The following CSMD1 variants were observed in gnomAD, a reference collection of about 807,000 sequenced individuals.
CSMD1 encodes CUB and Sushi multiple domains 1, also known as CUB and sushi domain-containing protein 1.
CSMD1 carries 213 observed loss-of-function variants against 417.5 expected under a neutral mutation model. The observed-to-expected ratio is 0.51, with a 90% confidence interval of 0.46 to 0.57. CSMD1 has a LOEUF of 0.57. CSMD1 is among the 20% of genes least tolerant of loss of function. The pLI, the probability that CSMD1 is intolerant of heterozygous loss-of-function variation, is 0.00. For missense variants in CSMD1, 6,923 were observed against 4,529.7 expected (o/e 1.53, Z -15.17); for synonymous variants, 2,862 against 1,736.8 (o/e 1.65, Z -16.11).
At chr8:3,151,627 C>G in intron 39 of CSMD1, 114 bp from the exon 40 acceptor site, 1 of 667,486 alleles carries the variant, frequency 1.5e-6, no homozygotes, top group East Asian at 2.7e-5. Context: ...GGAGTTAATT[C>G]TGCCCCTAAT....
At position 3,408,349 on chromosome 8, in the gene CSMD1, A is replaced by T. The variant is rs191118311; in HGVS notation, c.1745-124T>A. The stretch of plus-strand genomic sequence containing the variant: ...TGCAAATAGCTATGATGATCCAACT[A>T]TTTTAATATAAGTAATTCTGGACCA... On this transcript the variant is annotated intron_variant, in intron 13 of 69. Transcript: ENST00000635120. 19 of 665,010 alleles carry T rather than the reference A, an allele frequency of 2.9e-5. No individual in the cohort carries two copies. In the African/African-American group the frequency reaches 3.1e-4, roughly 11 times the overall value. The allele number at this position is 665,010 out of a possible 1,614,324, so 41.2% of individuals were successfully genotyped here.
At chr8:4,092,940 A>G (rs1297426414) in intron 3 of CSMD1, among the ~76,000 whole-genome samples, 1 of 151,982 alleles carries the variant, frequency 6.6e-6, no homozygotes, top group African/African-American at 2.4e-5. Context: ...ATCCTTTATT[A>G]CTCTTCCTGT....
chr8:3,233,587 G>A (rs891361837), intron 26 of CSMD1, among the ~76,000 whole-genome samples: 1 of 152,148 alleles, frequency 6.6e-6, no homozygotes, highest in Non-Finnish European at 1.5e-5. Context: ...GACATGTGAT[G>A]GCTTGGATTA....
intron 10 of CSMD1, among the ~76,000 whole-genome samples, chr8:3,495,744 A>G (rs959838255): frequency 6.6e-6 from 1 of 152,224 alleles, no homozygotes; most frequent in Non-Finnish European, 1.5e-5. Flanking sequence ...TGAAAACTGA[A>G]GACAAAAGGA....
At chr8:4,670,186 C>T (rs1016113522) in intron 1 of CSMD1, among the ~76,000 whole-genome samples, 1 of 152,130 alleles carries the variant, frequency 6.6e-6, no homozygotes, top group Non-Finnish European at 1.5e-5. Context: ...AAACTAAAGT[C>T]CCTCCATGTA....
At chr8:4,052,683 T>G (rs548268361) in intron 3 of CSMD1, among the ~76,000 whole-genome samples, 40 of 152,224 alleles carry the variant, frequency 2.6e-4, no homozygotes, top group African/African-American at 9.4e-4. Flanking sequence ...CCATAATAAG[T>G]AAGGTGTATA....
chr8:4,655,998 C>A (rs1483550687), intron 1 of CSMD1, among the ~76,000 whole-genome samples: 1 of 152,008 alleles, frequency 6.6e-6, no homozygotes, highest in East Asian at 1.9e-4. Flanking sequence ...AAAAAATAAA[C>A]CTACTCAATA....
intron 2 of CSMD1, among the ~76,000 whole-genome samples, chr8:4,450,962 G>C (rs756004238): frequency 1.3e-5 from 2 of 152,008 alleles, no homozygotes; most frequent in South Asian, 2.1e-4. Context: ...AAGATCTACA[G>C]TAACGTATTA....
intron 12 of CSMD1, among the ~76,000 whole-genome samples, chr8:3,455,536 G>A (rs1226390549): frequency 6.6e-6 from 1 of 152,192 alleles, no homozygotes; most frequent in East Asian, 1.9e-4. Context: ...TAACAGTCAG[G>A]ACCCTCAGCT....
intron 2 of CSMD1, among the ~76,000 whole-genome samples, chr8:4,601,982 T>G (rs1300926950): frequency 6.6e-6 from 1 of 152,158 alleles, no homozygotes; most frequent in African/African-American, 2.4e-5. Context: ...GCAACTGTAC[T>G]CTCTGAAAGC....
chr8:4,220,235 G>T (rs984146545), intron 3 of CSMD1, among the ~76,000 whole-genome samples: 1 of 152,200 alleles, frequency 6.6e-6, no homozygotes, highest in East Asian at 1.9e-4. Flanking sequence ...AGAGGCGTGA[G>T]CCACCATGCC....
chr8:4,376,907 C>G (rs1055457775), intron 3 of CSMD1, among the ~76,000 whole-genome samples: 5 of 152,190 alleles, frequency 3.3e-5, no homozygotes, highest in Admixed American at 2.0e-4. Context: ...TTTGGACACA[C>G]TACTGTACTG....
intron 10 of CSMD1, among the ~76,000 whole-genome samples, chr8:3,545,111 C>G (rs1425442770): frequency 1.3e-5 from 2 of 152,152 alleles, no homozygotes; most frequent in Admixed American, 6.5e-5. Context: ...GGACAGGTAT[C>G]AAAGCAGATC....
Position 4,427,746 on chromosome 8 carries a change from A to C in CSMD1, c.303-7681T>G, listed in dbSNP as rs77754547. The stretch of plus-strand genomic sequence containing the variant: ...TAATTTGAAACTATTAATATAAAGT[A>C]TATAAATCTCTCAATAGAAACTTCA... On this transcript the variant is annotated intron_variant, in intron 2 of 69. Transcript: ENST00000635120. Among the ~76,000 whole-genome samples, 138 of 152,332 alleles carry C rather than the reference A, an allele frequency of 9.1e-4. 2 individuals carry two copies. Among genetic ancestry groups the C allele is most frequent in the African/African-American group, 3.1e-3 (130 of 41,596 alleles).
intron 2 of CSMD1, among the ~76,000 whole-genome samples, chr8:4,605,921 T>C (rs962394009): frequency 6.6e-6 from 1 of 151,908 alleles, no homozygotes; most frequent in South Asian, 2.1e-4. Flanking sequence ...TGCTGGGAGA[T>C]GGAAACATTT....
intron 1 of CSMD1, among the ~76,000 whole-genome samples, chr8:4,811,360 C>A (rs1446528262): frequency 1.3e-5 from 2 of 151,892 alleles, no homozygotes; most frequent in East Asian, 3.9e-4. Flanking sequence ...GAGTATTGGC[C>A]CCCTGTATTT....
chr8:2,964,005 G>A (rs1010695073), intron 59 of CSMD1, among the ~76,000 whole-genome samples: 1 of 152,156 alleles, frequency 6.6e-6, no homozygotes, highest in Admixed American at 6.5e-5. Flanking sequence ...GGATTTCCCC[G>A]AGGGTGATGT....
At chr8:3,751,192 C>T (rs1035435348) in intron 6 of CSMD1, among the ~76,000 whole-genome samples, 7 of 151,980 alleles carry the variant, frequency 4.6e-5, no homozygotes, top group Admixed American at 3.3e-4. Flanking sequence ...TTTCCTAATG[C>T]ATTACTGTTA....
intron 7 of CSMD1, among the ~76,000 whole-genome samples, chr8:3,707,141 T>C (rs890562651): frequency 1.3e-5 from 2 of 152,206 alleles, no homozygotes; most frequent in Non-Finnish European, 2.9e-5. Context: ...CTATGGATTA[T>C]TGTCACACAA....
Sources: allele counts gnomAD v4.1 joint callset (sites outside exome capture counted in the v4.1 genomes callset), GRCh38; gene constraint gnomAD v4.1.1; transcripts MANE v1.5; gene names NCBI Gene and HGNC (gene_info 2026-07-23, HGNC 2026-07-21).